The following DMXL1 variants were observed in gnomAD, a reference collection of about 807,000 sequenced individuals.
DMXL1 encodes the protein dmX-like protein 1.
DMXL1 carries 99 observed loss-of-function variants against 319.2 expected under a neutral mutation model. That is an observed-to-expected ratio of 0.31 (90% CI 0.26 to 0.37). The LOEUF is 0.37. Among genes scored for constraint, DMXL1 ranks in the 10% least tolerant of loss-of-function variants. The pLI, the probability that DMXL1 is intolerant of heterozygous loss-of-function variation, is 1.00. For synonymous variants in DMXL1, 1,385 were observed against 1,235.2 expected, an observed-to-expected ratio of 1.12 and a Z score of -2.54; for missense variants, 3,745 against 3,595.6, an observed-to-expected ratio of 1.04 and a Z score of -1.06.
In DMXL1 at chr5:119,133,866, G is replaced by C. The variant is rs139365266; in HGVS notation, c.1942G>C (p.Val648Leu). The change falls in exon 12 of 44, where the codon GTA (valine) becomes CTA (leucine). Residue 648 changes from valine (V) to leucine (L), a missense_variant. By Grantham distance (32) the Val-to-Leu change is conservative (BLOSUM62 1). Around this residue, in one of 4 missense-constraint regions of DMXL1, gnomAD observed 2,096 missense variants for 1,985.4 expected, o/e 1.06. Coordinates refer to ENST00000539542, the MANE Select transcript of DMXL1 (RefSeq NM_001290321.3). Reference protein sequence around the residue: ...FHLNDLACHSVLPLLLTTSHH... With the variant: ...FHLNDLACHSLLPLLLTTSHH... Reference sequence around the variant, plus strand: ...TCTTAATGATTTAGCTTGCCACTCAGTATTACCATTATTGCTGACAACATC... The same window carrying C: ...TCTTAATGATTTAGCTTGCCACTCACTATTACCATTATTGCTGACAACATC... The C allele has an allele frequency of 6.2e-7, 1 of 1,614,078 alleles. No individual in the cohort carries two copies. The highest frequency in any genetic ancestry group is 8.5e-7 in the Non-Finnish European group (1 of 1,180,026).
intron 13 of DMXL1, chr5:119,138,745 G>T (rs1766602084): frequency 6.6e-6 from 1 of 152,226 alleles, no homozygotes. Context: ...GCTGAGGCAG[G>T]AGAATCACTT....
intron 1 of DMXL1, among the ~76,000 whole-genome samples, chr5:119,089,234 C>T (rs1204320615): frequency 7.7e-5 from 10 of 129,924 alleles, no homozygotes; most frequent in African/African-American, 2.9e-4. Context: ...GAATCTTTTG[C>T]CAGACAAATT....
chr5:119,230,422 TA>T (rs1786459931), intron 38 of DMXL1, among the ~76,000 whole-genome samples: 1 of 152,236 alleles, frequency 6.6e-6, no homozygotes, highest in Admixed American at 6.5e-5. Context: ...TAGATATAAT[TA>T]TTAAAAATTA....
At chr5:119,193,296 A>G (rs966719251) in intron 29 of DMXL1, among the ~76,000 whole-genome samples, 1 of 152,108 alleles carries the variant, frequency 6.6e-6, no homozygotes, top group East Asian at 1.9e-4. Context: ...GACTTGATCA[A>G]ACTACTATTT....
intron 1 of DMXL1, among the ~76,000 whole-genome samples, chr5:119,096,497 A>G (rs1240298014): frequency 1.3e-5 from 2 of 152,180 alleles, no homozygotes; most frequent in African/African-American, 4.8e-5. Flanking sequence ...TTTTAAATAT[A>G]TGTGCGTGTG....
At chr5:119,106,276 A>G (rs1285009055) in intron 4 of DMXL1, among the ~76,000 whole-genome samples, 1 of 152,204 alleles carries the variant, frequency 6.6e-6, no homozygotes, top group Non-Finnish European at 1.5e-5. Context: ...GAAGTCCCAG[A>G]ATGTTATTGC....
intron 21 of DMXL1, 135 bp from the exon 22 acceptor site, chr5:119,166,481 A>G: frequency 6.0e-6 from 4 of 662,738 alleles, no homozygotes. Flanking sequence ...CTGGGAAAAG[A>G]AGCAGATACA....
chr5:119,103,451 C>T (rs1757696105), intron 3 of DMXL1, among the ~76,000 whole-genome samples: 1 of 152,120 alleles, frequency 6.6e-6, no homozygotes, highest in African/African-American at 2.4e-5. Flanking sequence ...GTAGAGTAGG[C>T]TCAAAGAATA....
chr5:119,176,883 T>C (rs1041936394), intron 26 of DMXL1, among the ~76,000 whole-genome samples: 1 of 152,098 alleles, frequency 6.6e-6, no homozygotes, highest in African/African-American at 2.4e-5. Flanking sequence ...GTCATATGCA[T>C]AGGTTTCATC....
rs1225652257 is a variant in DMXL1 at position 119,071,422 on chromosome 5, G to A, written c.-148G>A. ...TCGGGATGAGTCGCGGGCCCCAGCT[G>A]AGCGGCTCCGGCTCCAGGCGCCTGT... On this transcript the variant is annotated 5_prime_UTR_variant, in exon 1 of 44. Transcript: ENST00000539542. 2 of 779,936 alleles carry A rather than the reference G, an allele frequency of 2.6e-6. No homozygotes were observed. The highest frequency in any genetic ancestry group is 3.6e-5 in the African/African-American group (2 of 55,706). 48.3% of individuals were successfully genotyped at this position (779,936 alleles called of 1,614,324 possible). A position where few individuals can be genotyped will look rare whatever the true frequency, so the allele number is the denominator to read the frequency against.
intron 32 of DMXL1, 52 bp downstream of exon 32, chr5:119,198,008 A>G: frequency 6.4e-7 from 1 of 1,559,722 alleles, no homozygotes; most frequent in Non-Finnish European, 8.8e-7. Context: ...TTGTTTTTTG[A>G]GATGGTGTCT....
chr5:119,151,246 G>A (rs962270564), intron 18 of DMXL1, among the ~76,000 whole-genome samples: 1 of 151,726 alleles, frequency 6.6e-6, no homozygotes, highest in Non-Finnish European at 1.5e-5. Flanking sequence ...AAAAAATACT[G>A]CCAAGTTATG....
In DMXL1 at chr5:119,120,998, C is replaced by T. The variant is rs373070176; in HGVS notation, c.961C>T (p.Arg321Trp). Residue 321 changes from arginine to tryptophan, a missense_variant, in exon 9 of 44, where the codon CGG (arginine) becomes TGG (tryptophan). Coordinates refer to ENST00000539542, the MANE Select transcript of DMXL1 (RefSeq NM_001290321.3). ...EVNLRHFRRGRRRSLALVAHT... is the reference protein window; with the variant it reads ...EVNLRHFRRGWRRSLALVAHT... ...AAATCTGAGACATTTTCGTAGAGGT[C>T]GGAGGAGATCACTTGCTCTTGTAGC... The T allele has an allele frequency of 9.9e-6, 16 of 1,611,872 alleles. No homozygotes were observed. Among genetic ancestry groups the T allele is most frequent in the East Asian group, 8.9e-5 (4 of 44,830 alleles).
At chr5:119,126,165 C>T (rs1433426934) in intron 9 of DMXL1, among the ~76,000 whole-genome samples, 1 of 152,114 alleles carries the variant, frequency 6.6e-6, no homozygotes, top group Non-Finnish European at 1.5e-5. Flanking sequence ...TGCCTTTAAT[C>T]CCAGCTACTT....
At chr5:119,108,973 G>C (rs1027667022) in intron 4 of DMXL1, among the ~76,000 whole-genome samples, 2 of 151,658 alleles carry the variant, frequency 1.3e-5, no homozygotes, top group Non-Finnish European at 2.9e-5. Flanking sequence ...GGCTAATTTT[G>C]TATTTTTAGT....
chr5:119,160,197 G>A (rs552601818), intron 19 of DMXL1, among the ~76,000 whole-genome samples: 1 of 152,060 alleles, frequency 6.6e-6, no homozygotes, highest in Admixed American at 6.5e-5. Flanking sequence ...CTTAGAAATG[G>A]TTTTGCTGCA....
chr5:119,146,807 AAC>A, intron 15 of DMXL1, 28 bp from the exon 16 acceptor site: 1 of 1,596,998 alleles, frequency 6.3e-7, no homozygotes, highest in Non-Finnish European at 8.5e-7. Context: ...TACACATAGT[AAC>A]AGTGAAAAAT....
At position 119,151,987 on chromosome 5, in the gene DMXL1, C is replaced by A. The variant is rs749627848; in HGVS notation, c.4653C>A (p.Thr1551=). The A allele has an allele frequency of 1.2e-6, 2 of 1,612,716 alleles. No homozygotes were observed. Among genetic ancestry groups the A allele is most frequent in the South Asian group, 2.2e-5 (2 of 91,008 alleles). The stretch of plus-strand genomic sequence containing the variant: ...TTCTTTTGGCTGTTCGACTCCATAC[C>A]TTTCTTACAACTTCCCTTCCAGCCT... ...LKFLLAVRLH[T]FLTTSLPAYR... is the part of the protein sequence containing the mutation. The change falls in exon 19 of 44, where the codon ACC becomes ACA. Residue 1551 remains threonine (T), a synonymous_variant. Coordinates refer to ENST00000539542, the MANE Select transcript of DMXL1 (RefSeq NM_001290321.3).
chr5:119,183,467 A>C (rs1427160618), intron 28 of DMXL1, among the ~76,000 whole-genome samples: 1 of 152,086 alleles, frequency 6.6e-6, no homozygotes, highest in Non-Finnish European at 1.5e-5. Context: ...GTGGAAGGGA[A>C]TACTTTCCTT....
Sources: allele counts gnomAD v4.1 joint callset (sites outside exome capture counted in the v4.1 genomes callset), GRCh38; gene constraint gnomAD v4.1.1; regional missense constraint gnomAD v4.1.1; transcripts MANE v1.5; gene names NCBI Gene and HGNC (gene_info 2026-07-23, HGNC 2026-07-21).